Variants in ROBO2 observed in about 807,000 individuals in gnomAD.
ROBO2 encodes roundabout homolog 2.
ROBO2 carries 53 observed loss-of-function variants against 160.8 expected under a neutral mutation model. That is an observed-to-expected ratio of 0.33 (90% confidence interval 0.26 to 0.41). ROBO2 has a LOEUF of 0.41. Among genes scored for constraint, ROBO2 ranks in the 10% least tolerant of loss-of-function variants. ROBO2 has a pLI of 1.00. For synonymous variants in ROBO2, 664 were observed against 611.7 expected (o/e 1.09, Z -1.26); for missense variants, 1,577 against 1,722.4 (o/e 0.92, Z 1.49).
intron 4 of ROBO2, among the ~76,000 whole-genome samples, chr3:77,492,699 A>C (rs1184523126): frequency 6.6e-6 from 1 of 152,204 alleles, no homozygotes; most frequent in Non-Finnish European, 1.5e-5. Context: ...CCATACATGA[A>C]GTTAAAATAA....
At chr3:76,409,574 G>A (rs1478376720) in intron 2 of ROBO2, among the ~76,000 whole-genome samples, 1 of 152,056 alleles carries the variant, frequency 6.6e-6, no homozygotes, top group African/African-American at 2.4e-5. Context: ...CAGATATAAA[G>A]CCTACATAAG....
chr3:77,629,643 T>C (rs2095114605), intron 23 of ROBO2: 1 of 152,154 alleles, frequency 6.6e-6, no homozygotes, highest in South Asian at 2.1e-4. Context: ...CCAATACACA[T>C]GCATATATAT....
intron 16 of ROBO2, among the ~76,000 whole-genome samples, chr3:77,580,707 T>C (rs940676394): frequency 2.6e-5 from 4 of 152,206 alleles, no homozygotes; most frequent in African/African-American, 4.8e-5. Flanking sequence ...ATAATGTTTT[T>C]GAAATTCATC....
intron 2 of ROBO2, among the ~76,000 whole-genome samples, chr3:76,162,613 T>A (rs570655365): frequency 6.6e-6 from 1 of 152,296 alleles, no homozygotes; most frequent in Admixed American, 6.5e-5. Context: ...GGGACCAGAC[T>A]ATTTTGTTTT....
intron 2 of ROBO2, among the ~76,000 whole-genome samples, chr3:76,974,742 A>C (rs2059730099): frequency 6.6e-6 from 1 of 152,180 alleles, no homozygotes; most frequent in Non-Finnish European, 1.5e-5. Flanking sequence ...TAGTGTTTGG[A>C]ACCATCTATT....
chr3:77,537,661 A>T (rs936910713), intron 6 of ROBO2, among the ~76,000 whole-genome samples: 1 of 152,166 alleles, frequency 6.6e-6, no homozygotes, highest in Non-Finnish European at 1.5e-5. Context: ...TGTTCTCATG[A>T]TACTAATAAG....
intron 17 of ROBO2, among the ~76,000 whole-genome samples, chr3:77,593,999 T>C (rs2094241858): frequency 6.6e-6 from 1 of 152,156 alleles, no homozygotes; most frequent in South Asian, 2.1e-4. Flanking sequence ...TCCCGGTGAT[T>C]GGTTTAGCCA....
In ROBO2 at chr3:76,230,907, T is replaced by C. The variant is rs528732804; in HGVS notation, c.109+293305T>C. ...ATTAGGACACAGACTTGTATATCAA[T>C]AGAACACTTCAAGGACACAAAGGCA... On this transcript the variant is annotated intron_variant, in intron 2 of 26. Coordinates refer to the ROBO2 transcript ENST00000487694. Among the ~76,000 whole-genome samples the C allele has an allele frequency of 3.6e-4, 55 of 152,208 alleles. No homozygotes were observed. In the South Asian group the frequency reaches 3.7e-3, roughly 10 times the overall value.
At chr3:76,867,200 G>A (rs2071474160) in intron 2 of ROBO2, among the ~76,000 whole-genome samples, 1 of 152,108 alleles carries the variant, frequency 6.6e-6, no homozygotes, top group African/African-American at 2.4e-5. Flanking sequence ...CTATCAGCTT[G>A]AACTTTGTTC....
chr3:76,912,317 GA>G (rs1416571009), intron 2 of ROBO2, among the ~76,000 whole-genome samples: 1 of 152,030 alleles, frequency 6.6e-6, no homozygotes, highest in Admixed American at 6.6e-5. Context: ...TTTATATTCA[GA>G]AATAAGATAC....
intron 2 of ROBO2, among the ~76,000 whole-genome samples, chr3:77,354,343 T>A (rs945114974): frequency 6.6e-6 from 1 of 152,232 alleles, no homozygotes; most frequent in African/African-American, 2.4e-5. Context: ...TTTTTTCTCC[T>A]GGTCTCACTG....
rs116243666 is a variant in ROBO2 at position 77,299,277 on chromosome 3, A to G, written c.389-178137A>G. Among the ~76,000 whole-genome samples the G allele has an allele frequency of 2.0e-3, 297 of 152,294 alleles. 2 individuals are homozygous for G. The highest frequency in any genetic ancestry group is 6.8e-3 in the African/African-American group (284 of 41,568). Reference sequence around the variant, plus strand: ...GAATGGAATAGATAGGTGTGGTATCAGGATGTGTTTTGGTAAAAGCAACTT... The same window carrying G: ...GAATGGAATAGATAGGTGTGGTATCGGGATGTGTTTTGGTAAAAGCAACTT... On this transcript the variant is annotated intron_variant, in intron 2 of 25. Coordinates refer to ENST00000461745, the Ensembl canonical transcript of ROBO2.
chr3:76,383,256 A>C (rs948023773), intron 2 of ROBO2, among the ~76,000 whole-genome samples: 4 of 152,206 alleles, frequency 2.6e-5, no homozygotes, highest in Admixed American at 2.6e-4. Flanking sequence ...TGGAACACAA[A>C]TTTTGTCTGT....
chr3:77,349,085 G>A (rs1374030475), intron 2 of ROBO2, among the ~76,000 whole-genome samples: 1 of 152,046 alleles, frequency 6.6e-6, no homozygotes, highest in Non-Finnish European at 1.5e-5. Context: ...TTCTGTGTGA[G>A]AAGGTATTTT....
intron 2 of ROBO2, among the ~76,000 whole-genome samples, chr3:77,376,621 T>C (rs1040087047): frequency 6.6e-6 from 1 of 152,116 alleles, no homozygotes; most frequent in Non-Finnish European, 1.5e-5. Flanking sequence ...TCTCCCTAGG[T>C]TGGTTGCATA....
At chr3:76,946,994 C>G (rs1055687286) in intron 2 of ROBO2, among the ~76,000 whole-genome samples, 1 of 152,124 alleles carries the variant, frequency 6.6e-6, no homozygotes, top group Non-Finnish European at 1.5e-5. Context: ...TTTAGTCTAA[C>G]GTTTTAATTG....
chr3:76,888,280 A>G (rs1050305388), intron 2 of ROBO2, among the ~76,000 whole-genome samples: 3 of 152,086 alleles, frequency 2.0e-5, no homozygotes, highest in Admixed American at 6.5e-5. Flanking sequence ...AGGCAGGAGG[A>G]TTGCTGGAAC....
intron 2 of ROBO2, among the ~76,000 whole-genome samples, chr3:75,969,686 T>C (rs1380854123): frequency 6.6e-6 from 1 of 151,680 alleles, no homozygotes; most frequent in African/African-American, 2.4e-5. Context: ...TTGTTGCCCT[T>C]CGTATGTCTT....
chr3:76,393,522 A>G (rs1411900827), intron 2 of ROBO2, among the ~76,000 whole-genome samples: 1 of 152,164 alleles, frequency 6.6e-6, no homozygotes, highest in Non-Finnish European at 1.5e-5. Context: ...TGTTTTTATA[A>G]ACTTTGACCT....
Sources: allele counts gnomAD v4.1 joint callset (sites outside exome capture counted in the v4.1 genomes callset), GRCh38; gene constraint gnomAD v4.1.1; transcripts MANE v1.5; gene names NCBI Gene and HGNC (gene_info 2026-07-23, HGNC 2026-07-21).